CEP70: variants seen among roughly 807,000 people sequenced by gnomAD.
CEP70 encodes centrosomal protein 70.
A neutral mutation model predicts 90.9 loss-of-function variants in CEP70; 70 were observed. The observed-to-expected ratio is 0.77, with a 90% CI of 0.64 to 0.94. The LOEUF (loss-of-function observed/expected upper bound fraction) is 0.94, where lower values mean the gene tolerates loss of function less well. CEP70 is among the 40% of genes least tolerant of loss of function. The probability of loss-of-function intolerance (pLI) is 0.00; values close to 1 mark genes in which losing one functional copy is unlikely to be tolerated. For missense variants in CEP70, 648 were observed against 669.0 expected (o/e 0.97, Z 0.35); for synonymous variants, 220 against 228.3 (o/e 0.96, Z 0.33).
intron 6 of CEP70, among the ~76,000 whole-genome samples, chr3:138,558,610 GTT>G (rs2040190205): frequency 6.6e-6 from 1 of 152,106 alleles, no homozygotes; most frequent in African/African-American, 2.4e-5. Flanking sequence ...AAATACACTA[GTT>G]TTCTTTGGGA....
intron 11 of CEP70, among the ~76,000 whole-genome samples, chr3:138,521,842 A>C (rs1276047282): frequency 6.6e-6 from 1 of 152,224 alleles, no homozygotes; most frequent in East Asian, 1.9e-4. Flanking sequence ...GTCAAATAGA[A>C]AAGGGGGAAA....
At chr3:138,584,021 T>C (rs2041988646) in intron 2 of CEP70, among the ~76,000 whole-genome samples, 1 of 151,794 alleles carries the variant, frequency 6.6e-6, no homozygotes, top group African/African-American at 2.4e-5. Context: ...AGAAAACTGA[T>C]AAACCCTTAG....
At chr3:138,572,473 T>C (rs2041243088) in intron 3 of CEP70, among the ~76,000 whole-genome samples, 1 of 152,240 alleles carries the variant, frequency 6.6e-6, no homozygotes, top group Non-Finnish European at 1.5e-5. Context: ...CAAAATGCTC[T>C]ATACATAATA....
At chr3:138,577,745 G>A (rs910969046) in intron 2 of CEP70, among the ~76,000 whole-genome samples, 1 of 152,066 alleles carries the variant, frequency 6.6e-6, no homozygotes, top group African/African-American at 2.4e-5. Flanking sequence ...TGACAATATG[G>A]TAGATTTAAA....
intron 17 of CEP70, chr3:138,495,856 A>G (rs1290910799): frequency 4.1e-6 from 4 of 984,622 alleles, no homozygotes; most frequent in Non-Finnish European, 4.8e-6. Context: ...TATGTCTCAA[A>G]AAAAACAATT....
chr3:138,529,424 T>C lies in CEP70; in HGVS notation c.731A>G (p.Asn244Ser). Residue 244 changes from asparagine (N) to serine (S), a missense_variant, in exon 9 of 18, where the codon AAC becomes AGC. Physicochemically the swap from Asn to Ser is conservative, Grantham distance 46. Transcript: ENST00000264982. ...TGAGGCATCCAGATTTCTGTAGTCGTTTTCTTCTTCTGACTGACTTTCATC... is the reference window on the plus strand; with the variant it reads ...TGAGGCATCCAGATTTCTGTAGTCGCTTTCTTCTTCTGACTGACTTTCATC... ...KEDESQSEEENDYRNLDASPT... is the reference protein window; with the variant it reads ...KEDESQSEEESDYRNLDASPT... The C allele has an allele frequency of 6.2e-7, 1 of 1,612,246 alleles. No individual in the cohort carries two copies. The highest frequency in any genetic ancestry group is 8.5e-7 in the Non-Finnish European group (1 of 1,178,890).
intron 1 of CEP70, among the ~76,000 whole-genome samples, chr3:138,592,721 C>T (rs149881487): frequency 2.3e-3 from 353 of 151,422 alleles, no homozygotes; most frequent in African/African-American, 8.1e-3. Context: ...TAACATGCTC[C>T]ATATCTTAAA....
rs988209035 is a variant in CEP70, at chr3:138,591,960, G to A, written c.-108-4C>T. On this transcript the variant is annotated splice_polypyrimidine_tract_variant and splice_region_variant and intron_variant, in intron 1 of 17. Coordinates refer to ENST00000264982, the MANE Select transcript of CEP70 (RefSeq NM_024491.4). ...ATGTCTGAAACTGGATCTTCATCTAGGTTTCAAAAAGATAAAAAGAACAAA... is the reference window on the plus strand; with the variant it reads ...ATGTCTGAAACTGGATCTTCATCTAAGTTTCAAAAAGATAAAAAGAACAAA... 1.1e-6 allele frequency: 1 copy of A among 936,486 alleles called. No individual in the cohort carries two copies. Among genetic ancestry groups the A allele is most frequent in the Non-Finnish European group, 1.5e-6 (1 of 653,000 alleles). The allele number at this position is 936,486 out of a possible 1,614,324, so 58.0% of individuals were successfully genotyped here.
chr3:138,530,532 G>A lies in CEP70; in HGVS notation c.693-1070C>T, dbSNP rs570705204. On this transcript the variant is annotated intron_variant, in intron 8 of 17. Coordinates refer to ENST00000264982, the MANE Select transcript of CEP70 (RefSeq NM_024491.4). ...AACAACAACAACAACAAAAAACTTC[G>A]GACAACACTGGCCTTAAAAAAATGG... is the stretch of plus-strand genomic sequence containing the variant. 7.3e-6 allele frequency: 7 copies of A among 965,166 alleles called. No individual in the cohort carries two copies. The South Asian group carries it at 2.9e-4, about 40-fold the overall frequency. The allele number at this position is 965,166 out of a possible 1,614,324, so 59.8% of individuals were successfully genotyped here.
chr3:138,504,120 C>T (rs2034764005), intron 13 of CEP70, among the ~76,000 whole-genome samples: 1 of 152,150 alleles, frequency 6.6e-6, no homozygotes, highest in Admixed American at 6.5e-5. Flanking sequence ...TTTCCTCCTA[C>T]TGGGAGAACC....
chr3:138,516,537 C>T lies in CEP70; in HGVS notation c.945-7993G>A, dbSNP rs534828178. 5.9e-5 allele frequency among the ~76,000 whole-genome samples: 9 copies of T among 152,144 alleles called. No homozygotes were observed. The South Asian group carries it at 1.7e-3, about 28-fold the overall frequency. ...AGTAACTGGGGCTACAGGTAAGTAC[C>T]GCCACACCTGGCTAATTTTTAAATT... is the stretch of plus-strand genomic sequence containing the variant. On this transcript the variant is annotated intron_variant, in intron 11 of 17. Transcript: ENST00000264982.
chr3:138,538,165 T>C (rs582386), intron 6 of CEP70, among the ~76,000 whole-genome samples: 83,481 of 151,944 alleles, frequency 0.55, 24,709 homozygotes, highest in African/African-American at 0.78. Flanking sequence ...ATCACAAGTG[T>C]CTATAGCAAG....
chr3:138,509,757 C>T (rs796134919), intron 11 of CEP70, among the ~76,000 whole-genome samples: 8 of 152,130 alleles, frequency 5.3e-5, no homozygotes, highest in African/African-American at 1.9e-4. Context: ...CCACTCCATC[C>T]CACCTAGGAT....
chr3:138,516,711 T>A (rs2036064681), intron 11 of CEP70, among the ~76,000 whole-genome samples: 1 of 152,174 alleles, frequency 6.6e-6, no homozygotes, highest in East Asian at 1.9e-4. Context: ...CAGTATGTAA[T>A]TCCTGGATAC....
In CEP70 at chr3:138,591,876, T is replaced by C. The variant is rs1190767725; in HGVS notation, c.-28A>G. On this transcript the variant is annotated 5_prime_UTR_variant, in exon 2 of 18. Transcript: ENST00000264982. ...TACCTCAGTCATAGCATATTACTCT[T>C]GCACTTTACACCTGGTCATTCAGGT... 1 of 1,521,048 alleles carries C rather than the reference T, an allele frequency of 6.6e-7. No homozygotes were observed. The highest frequency in any genetic ancestry group is 2.5e-5 in the East Asian group (1 of 40,684). 94.2% of individuals were successfully genotyped at this position (1,521,048 alleles called of 1,614,324 possible).
chr3:138,575,401 G>C (rs1053747300), intron 2 of CEP70, among the ~76,000 whole-genome samples: 7 of 152,118 alleles, frequency 4.6e-5, no homozygotes, highest in Non-Finnish European at 8.8e-5. Context: ...GAAGTTTAGA[G>C]AAAAAAGTAA....
At chr3:138,546,907 A>C (rs1576766218) in intron 6 of CEP70, among the ~76,000 whole-genome samples, 3 of 152,326 alleles carry the variant, frequency 2.0e-5, no homozygotes, top group East Asian at 1.9e-4. Context: ...GTCTAAGCAC[A>C]TGTTCATGTG....
intron 6 of CEP70, among the ~76,000 whole-genome samples, chr3:138,539,790 T>C (rs1237512466): frequency 6.6e-6 from 1 of 152,090 alleles, no homozygotes; most frequent in Non-Finnish European, 1.5e-5. Flanking sequence ...TACACAAAGA[T>C]ATAAACATCC....
chr3:138,584,782 G>T lies in CEP70; in HGVS notation c.-6+7072C>A, dbSNP rs183647589. Among the ~76,000 whole-genome samples the T allele has an allele frequency of 1.5e-4, 23 of 151,584 alleles. No homozygotes were observed. In the East Asian group the frequency reaches 4.5e-3, roughly 29 times the overall value. ...AAAAAAAAAACCCTAAAAAAACTAG[G>T]TATAAAAGGAACATACCTCCACATA... On this transcript the variant is annotated intron_variant, in intron 2 of 17. Transcript: ENST00000264982.
Sources: gnomAD v4.1 joint callset for allele counts (sites outside exome capture counted in the v4.1 genomes callset) on GRCh38, gnomAD v4.1.1 for gene constraint, MANE v1.5 for transcripts, NCBI Gene and HGNC (gene_info 2026-07-23, HGNC 2026-07-21) for gene names.